The following GOPC variants were observed in gnomAD, a reference collection of about 807,000 sequenced individuals.
GOPC encodes Golgi-associated PDZ and coiled-coil motif-containing protein.
A neutral mutation model predicts 51.2 loss-of-function variants in GOPC; 32 were observed. That is an observed-to-expected ratio of 0.63 (90% CI 0.47 to 0.84). GOPC has a LOEUF of 0.84. GOPC is among the 40% of genes least tolerant of loss of function. GOPC has a pLI of 0.00. For missense variants in GOPC, 441 were observed against 555.5 expected (o/e 0.79, Z 2.07); for synonymous variants, 190 against 205.1 (o/e 0.93, Z 0.63).
intron 1 of GOPC, among the ~76,000 whole-genome samples, chr6:117,594,598 G>A (rs188836906): frequency 9.9e-5 from 15 of 152,218 alleles, no homozygotes; most frequent in African/African-American, 3.4e-4. Context: ...GTTCATAAGT[G>A]CGTACTGGAT....
intron 3 of GOPC, chr6:117,575,647 A>G (rs1428267076): frequency 2.0e-6 from 1 of 506,754 alleles, no homozygotes; most frequent in Non-Finnish European, 3.7e-6. Flanking sequence ...GGATAGTTGA[A>G]TCTGCTATTT....
chr6:117,583,187 C>A (rs1779985031), intron 1 of GOPC, among the ~76,000 whole-genome samples: 1 of 152,214 alleles, frequency 6.6e-6, no homozygotes, highest in South Asian at 2.1e-4. Context: ...AGTGCCAAAG[C>A]AGCCAGCCAG....
At chr6:117,566,105 T>C (rs1779691360) in intron 8 of GOPC, among the ~76,000 whole-genome samples, 1 of 152,218 alleles carries the variant, frequency 6.6e-6, no homozygotes, top group Non-Finnish European at 1.5e-5. Context: ...CAATGATTAC[T>C]AGTACAGTTA....
At chr6:117,592,321 T>G (rs1252483670) in intron 1 of GOPC, among the ~76,000 whole-genome samples, 1 of 152,046 alleles carries the variant, frequency 6.6e-6, no homozygotes, top group Non-Finnish European at 1.5e-5. Flanking sequence ...GAGCCGAGAT[T>G]GTGCCACTGC....
intron 7 of GOPC, among the ~76,000 whole-genome samples, chr6:117,569,187 G>C (rs1405034660): frequency 2.0e-5 from 3 of 152,124 alleles, no homozygotes; most frequent in Non-Finnish European, 4.4e-5. Flanking sequence ...TCTACTTCTA[G>C]CACTGTCTTT....
In GOPC at chr6:117,566,401, C is replaced by G. The variant is rs557139554; in HGVS notation, c.1258+453G>C. 6.6e-5 allele frequency among the ~76,000 whole-genome samples: 10 copies of G among 152,122 alleles called. No individual in the cohort carries two copies. The South Asian group carries it at 2.1e-3, about 32-fold the overall frequency. ...CTAAATGATAGCAAAGGAACTAAACCAAACATCCCCAAGATAATATAAGTT... is the reference window on the plus strand; with the variant it reads ...CTAAATGATAGCAAAGGAACTAAACGAAACATCCCCAAGATAATATAAGTT... On this transcript the variant is annotated intron_variant, in intron 8 of 8. Coordinates refer to ENST00000368498, the MANE Select transcript of GOPC (RefSeq NM_020399.4).
intron 1 of GOPC, among the ~76,000 whole-genome samples, chr6:117,580,439 G>A (rs988732710): frequency 1.3e-5 from 2 of 151,842 alleles, no homozygotes; most frequent in South Asian, 2.1e-4. Flanking sequence ...TGTTATTATC[G>A]AGGAGACTAA....
At chr6:117,587,532 T>A (rs915100582) in intron 1 of GOPC, among the ~76,000 whole-genome samples, 7 of 151,338 alleles carry the variant, frequency 4.6e-5, no homozygotes, top group East Asian at 1.9e-4. Flanking sequence ...TATATATATA[T>A]AAAACTACAA....
intron 1 of GOPC, among the ~76,000 whole-genome samples, chr6:117,589,917 TTCAA>T (rs1280396310): frequency 3.9e-5 from 6 of 152,342 alleles, no homozygotes; most frequent in African/African-American, 4.8e-5. Context: ...TAAAGTTATT[TTCAA>T]TCAGTTTCAA....
At position 117,602,358 on chromosome 6, in the gene GOPC, G is replaced by A. The variant is rs561768792; in HGVS notation, c.-70C>T. 7.0e-7 allele frequency: 1 copy of A among 1,433,694 alleles called. No homozygotes were observed. The highest frequency in any genetic ancestry group is 1.4e-5 in the South Asian group (1 of 70,060). 88.8% of individuals were successfully genotyped at this position (1,433,694 alleles called of 1,614,324 possible). ...CCCCCGCGCACGAAGGGAACTGCTG[G>A]GACTGAGGGGACCCCCGCGCGCGCG... On this transcript the variant is annotated 5_prime_UTR_variant, in exon 1 of 9. Coordinates refer to ENST00000368498, the MANE Select transcript of GOPC (RefSeq NM_020399.4).
rs748642411 is a variant in GOPC, at chr6:117,573,553, T to C, written c.730A>G (p.Ile244Val). Residue 244 changes from isoleucine to valine, a missense_variant, in exon 5 of 9, where the codon ATA (isoleucine) becomes GTA (valine). This residue lies in a region of GOPC where 166 missense variants were observed against 267.0 expected (regional missense o/e 0.62). Coordinates refer to ENST00000368498, the MANE Select transcript of GOPC (RefSeq NM_020399.4). ...ACAGTTTTGTGACGATGCAAATGTA[T>C]TTCAGCTTCTAATTGGTTCCAAAGC... is the stretch of plus-strand genomic sequence containing the variant. Reference protein sequence around the residue: ...DKLWNQLEAEIHLHRHKTVIR... With the variant: ...DKLWNQLEAEVHLHRHKTVIR... 11 of 1,613,954 alleles carry C rather than the reference T, an allele frequency of 6.8e-6. No individual in the cohort carries two copies. The East Asian group carries it at 2.2e-4, about 33-fold the overall frequency.
At position 117,581,372 on chromosome 6, in the gene GOPC, T is replaced by A. The variant is rs188836619; in HGVS notation, c.286-2308A>T. Among the ~76,000 whole-genome samples, 254 of 152,276 alleles carry A rather than the reference T, an allele frequency of 1.7e-3. 1 individual carries two copies. Among genetic ancestry groups the A allele is most frequent in the African/African-American group, 5.6e-3 (233 of 41,562 alleles). On this transcript the variant is annotated intron_variant, in intron 1 of 8. Coordinates refer to ENST00000368498, the MANE Select transcript of GOPC (RefSeq NM_020399.4). ...ATAAAACTTCTTCATTCCTTTTTTT[T>A]AAATAACTTTTTAATTCATATATAA...
intron 1 of GOPC, among the ~76,000 whole-genome samples, chr6:117,582,272 C>CGACA (rs772053432): frequency 3.0e-5 from 2 of 66,066 alleles, no homozygotes; most frequent in East Asian, 3.2e-4. Flanking sequence ...GCCTCCCCCC[C>CGACA]TACACACACA....
intron 1 of GOPC, among the ~76,000 whole-genome samples, chr6:117,586,475 C>CTTTT (rs869148559): frequency 6.7e-4 from 62 of 91,932 alleles, no homozygotes; most frequent in Non-Finnish European, 7.7e-4. Flanking sequence ...CACAGAGATT[C>CTTTT]TTTTTTTTTT....
At chr6:117,599,074 A>C (rs907679688) in intron 1 of GOPC, among the ~76,000 whole-genome samples, 1 of 152,194 alleles carries the variant, frequency 6.6e-6, no homozygotes, top group Non-Finnish European at 1.5e-5. Flanking sequence ...CAAGTAAAAA[A>C]GTAACCTATG....
rs1283815906 is a variant in GOPC, at chr6:117,560,366, T to A, written c.*2888A>T. 1 of 182,422 alleles carries A rather than the reference T, an allele frequency of 5.5e-6. No individual in the cohort carries two copies. The highest frequency in any genetic ancestry group is 1.2e-5 in the Non-Finnish European group (1 of 85,368). 11.3% of individuals were successfully genotyped at this position (182,422 alleles called of 1,614,324 possible). ...CTTTATTTACAGGCTAATAAAAAAA[T>A]ATTAAACTCAACTAGATATAATACA... On this transcript the variant is annotated 3_prime_UTR_variant, in exon 9 of 9. Transcript: ENST00000368498.
At chr6:117,579,635 C>T (rs1455556090) in intron 1 of GOPC, among the ~76,000 whole-genome samples, 1 of 152,080 alleles carries the variant, frequency 6.6e-6, no homozygotes. Context: ...CAGAGCAACT[C>T]ATCAGGACCA....
chr6:117,593,551 A>G (rs1780149982), intron 1 of GOPC, among the ~76,000 whole-genome samples: 1 of 152,156 alleles, frequency 6.6e-6, no homozygotes, highest in Non-Finnish European at 1.5e-5. Flanking sequence ...ATCCCCCATC[A>G]GACATAATGT....
intron 1 of GOPC, among the ~76,000 whole-genome samples, chr6:117,586,043 T>C (rs1284092888): frequency 6.6e-6 from 1 of 152,230 alleles, no homozygotes; most frequent in African/African-American, 2.4e-5. Flanking sequence ...AAAGTTTGTG[T>C]ACAAAAAGTA....
Sources: gnomAD v4.1 joint callset for allele counts (sites outside exome capture counted in the v4.1 genomes callset) on GRCh38, gnomAD v4.1.1 for gene constraint, gnomAD v4.1.1 regional missense constraint, MANE v1.5 for transcripts, NCBI Gene and HGNC (gene_info 2026-07-23, HGNC 2026-07-21) for gene names.